CRTAC1: variants seen among roughly 807,000 people sequenced by gnomAD.
The protein encoded by CRTAC1 is cartilage acidic protein 1.
Under a neutral mutation model 67.8 loss-of-function variants are expected in CRTAC1, and 37 were observed. The observed-to-expected ratio is 0.55, with a 90% CI of 0.42 to 0.72. The LOEUF (loss-of-function observed/expected upper bound fraction) is 0.72. Among genes scored for constraint, CRTAC1 ranks in the 30% least tolerant of loss-of-function variants. The probability of loss-of-function intolerance (pLI) is 0.00; values close to 1 mark genes in which losing one functional copy is unlikely to be tolerated. For missense variants in CRTAC1, 780 were observed against 931.6 expected (o/e 0.84, Z 2.12); for synonymous variants, 348 against 371.0 (o/e 0.94, Z 0.71).
At chr10:98,017,654 C>T (rs1377375227) in intron 1 of CRTAC1, among the ~76,000 whole-genome samples, 1 of 151,884 alleles carries the variant, frequency 6.6e-6, no homozygotes, top group Non-Finnish European at 1.5e-5. Flanking sequence ...TCACCTCAGC[C>T]TCTCAAGTAG....
intron 11 of CRTAC1, chr10:97,884,698 A>G: frequency 4.6e-6 from 1 of 219,732 alleles, no homozygotes. Flanking sequence ...TAATGGCCAC[A>G]CATGGCTGGT....
At chr10:98,005,849 T>C (rs928438754) in intron 2 of CRTAC1, among the ~76,000 whole-genome samples, 2 of 152,228 alleles carry the variant, frequency 1.3e-5, no homozygotes, top group African/African-American at 4.8e-5. Flanking sequence ...ATTTGCCTTT[T>C]AAATAATTCA....
chr10:98,026,702 G>A (rs1272815429), intron 1 of CRTAC1, among the ~76,000 whole-genome samples: 1 of 152,154 alleles, frequency 6.6e-6, no homozygotes, highest in African/African-American at 2.4e-5. Flanking sequence ...GGGGACTCAA[G>A]CATCTTCCCT....
rs550481833 is a variant in CRTAC1 at position 97,896,170 on chromosome 10, A to T, written c.1217-185T>A. 5.3e-5 allele frequency among the ~76,000 whole-genome samples: 8 copies of T among 152,142 alleles called. No individual in the cohort carries two copies. The East Asian group carries it at 1.5e-3, about 29-fold the overall frequency. On this transcript the variant is annotated intron_variant, in intron 9 of 14. Coordinates refer to ENST00000370597, the MANE Select transcript of CRTAC1 (RefSeq NM_018058.7). ...TTCCTAACAGCAGCCTCATGATAGG[A>T]CTCACGGGACAGACATTTCCTTCCT...
intron 2 of CRTAC1, among the ~76,000 whole-genome samples, chr10:98,002,015 G>C (rs1341133907): frequency 6.6e-6 from 1 of 152,204 alleles, no homozygotes; most frequent in Non-Finnish European, 1.5e-5. Flanking sequence ...AGGAAGGCCC[G>C]TGGTGCAAGG....
intron 2 of CRTAC1, among the ~76,000 whole-genome samples, chr10:97,953,761 C>A (rs1176024698): frequency 6.6e-6 from 1 of 152,154 alleles, no homozygotes; most frequent in Non-Finnish European, 1.5e-5. Context: ...GAACTTGTTT[C>A]CTTATTCCAA....
intron 14 of CRTAC1, chr10:97,867,727 A>G (rs2136523969): frequency 6.6e-6 from 1 of 151,134 alleles, no homozygotes; most frequent in African/African-American, 2.4e-5. Context: ...TTTTTCCAAT[A>G]AAAGAACTTG....
chr10:97,990,485 C>T (rs1205453524), intron 2 of CRTAC1, among the ~76,000 whole-genome samples: 2 of 152,228 alleles, frequency 1.3e-5, no homozygotes, highest in Non-Finnish European at 2.9e-5. Flanking sequence ...TCGAGTCCTT[C>T]TCCTTTCCAA....
At chr10:97,976,840 A>T (rs1001266747) in intron 2 of CRTAC1, among the ~76,000 whole-genome samples, 3 of 152,196 alleles carry the variant, frequency 2.0e-5, no homozygotes, top group Non-Finnish European at 4.4e-5. Flanking sequence ...ACTGCACTTT[A>T]TATATATTTG....
intron 1 of CRTAC1, among the ~76,000 whole-genome samples, chr10:98,022,820 G>A (rs534143165): frequency 2.0e-4 from 31 of 152,126 alleles, no homozygotes; most frequent in Non-Finnish European, 4.3e-4. Context: ...TGTGCAGGAT[G>A]GATAGACCGT....
chr10:97,927,320 ACT>A (rs1415749944), intron 3 of CRTAC1, among the ~76,000 whole-genome samples: 3 of 152,054 alleles, frequency 2.0e-5, no homozygotes, highest in African/African-American at 7.2e-5. Context: ...AAGAACGCAC[ACT>A]CACCCACCTC....
intron 1 of CRTAC1, among the ~76,000 whole-genome samples, chr10:98,014,775 T>C (rs1411159226): frequency 6.6e-6 from 1 of 152,156 alleles, no homozygotes; most frequent in African/African-American, 2.4e-5. Flanking sequence ...AGGATGGCTG[T>C]AATAAAAAAC....
chr10:97,943,441 T>C (rs1259496949), intron 2 of CRTAC1, among the ~76,000 whole-genome samples: 1 of 152,256 alleles, frequency 6.6e-6, no homozygotes, highest in Non-Finnish European at 1.5e-5. Context: ...GACTCTGAGA[T>C]ATGATCATAG....
chr10:98,020,203 G>A (rs142310262), intron 1 of CRTAC1, among the ~76,000 whole-genome samples: 20 of 152,100 alleles, frequency 1.3e-4, no homozygotes, highest in African/African-American at 4.3e-4. Flanking sequence ...AGAGTGGGTC[G>A]TGTGGATCTT....
At chr10:98,005,870 G>GTAAAT (rs1168956720) in intron 2 of CRTAC1, among the ~76,000 whole-genome samples, 4 of 152,000 alleles carry the variant, frequency 2.6e-5, no homozygotes, top group Non-Finnish European at 4.4e-5. Flanking sequence ...ATTAACTTTA[G>GTAAAT]TAAATTAAAA....
chr10:97,943,501 T>A (rs1294049361), intron 2 of CRTAC1, among the ~76,000 whole-genome samples: 1 of 152,248 alleles, frequency 6.6e-6, no homozygotes, highest in Non-Finnish European at 1.5e-5. Flanking sequence ...CTAAACGTTT[T>A]TAAAAATGTG....
At chr10:97,986,336 A>G (rs535382156) in intron 2 of CRTAC1, among the ~76,000 whole-genome samples, 1 of 152,348 alleles carries the variant, frequency 6.6e-6, no homozygotes, top group African/African-American at 2.4e-5. Flanking sequence ...GGTTTGATCT[A>G]TCAGAGACAA....
chr10:98,011,735 A>T (rs1314362928), intron 1 of CRTAC1, among the ~76,000 whole-genome samples: 1 of 152,186 alleles, frequency 6.6e-6, no homozygotes, highest in East Asian at 1.9e-4. Context: ...TAGTTCACAT[A>T]ATAGGCACTT....
intron 3 of CRTAC1, 28 bp downstream of exon 3, chr10:97,936,142 A>T (rs746133334): frequency 1.8e-5 from 28 of 1,556,180 alleles, no homozygotes; most frequent in Non-Finnish European, 2.4e-5. Context: ...GATGGGAAGC[A>T]GGAAGAGGCC....
Sources: allele counts gnomAD v4.1 joint callset (sites outside exome capture counted in the v4.1 genomes callset), GRCh38; gene constraint gnomAD v4.1.1; transcripts MANE v1.5; gene names NCBI Gene and HGNC (gene_info 2026-07-23, HGNC 2026-07-21).